The following NAALADL2 variants were observed in gnomAD, a reference collection of about 807,000 sequenced individuals.
NAALADL2 encodes the protein N-acetylated alpha-linked acidic dipeptidase like 2.
A neutral mutation model predicts 87.2 loss-of-function variants in NAALADL2; 76 were observed. That is an observed-to-expected ratio of 0.87 (90% confidence interval 0.72 to 1.05). The LOEUF (loss-of-function observed/expected upper bound fraction) is 1.05. NAALADL2 is among the 50% of genes least tolerant of loss of function. NAALADL2 has a pLI of 0.00. For missense variants in NAALADL2, 1,089 were observed against 945.8 expected, an observed-to-expected ratio of 1.15 and a Z score of -1.99; for synonymous variants, 354 against 331.0, an observed-to-expected ratio of 1.07 and a Z score of -0.75.
chr3:175,338,374 G>A (rs114711335), intron 5 of NAALADL2, among the ~76,000 whole-genome samples: 2,054 of 151,846 alleles, frequency 0.014, 42 homozygotes, highest in African/African-American at 0.048. Flanking sequence ...TGAAGACAAT[G>A]GGTCTATATT....
chr3:174,692,444 C>T (rs927411472), intron 2 of NAALADL2, among the ~76,000 whole-genome samples: 3 of 152,144 alleles, frequency 2.0e-5, no homozygotes, highest in African/African-American at 7.2e-5. Context: ...TAAATATTTC[C>T]ATTTTATTAT....
chr3:175,735,137 A>G lies in NAALADL2; in HGVS notation c.1897-2169A>G, dbSNP rs187074096. Among the ~76,000 whole-genome samples, 306 of 152,276 alleles carry G rather than the reference A, an allele frequency of 2.0e-3. 2 individuals carry two copies. The highest frequency in any genetic ancestry group is 0.017 in the Middle Eastern group (5 of 294). The stretch of plus-strand genomic sequence containing the variant: ...CTCTCTCAAGTTCAAAGTTCGACAA[A>G]TCTCTAGGATGGGCAAAATGCCACC... On this transcript the variant is annotated intron_variant, in intron 11 of 13. Coordinates refer to ENST00000454872, the MANE Select transcript of NAALADL2 (RefSeq NM_207015.3).
chr3:174,698,826 T>C (rs1315815420), intron 2 of NAALADL2, among the ~76,000 whole-genome samples: 1 of 133,552 alleles, frequency 7.5e-6, no homozygotes, highest in African/African-American at 3.3e-5. Context: ...ATCCCGCCAC[T>C]GCACTCCAGC....
rs113003209 is a variant in NAALADL2 at position 174,479,185 on chromosome 3, A to G, written c.-184+38153A>G. Among the ~76,000 whole-genome samples, 814 of 152,264 alleles carry G rather than the reference A, an allele frequency of 5.3e-3. 7 individuals carry two copies. Among genetic ancestry groups the G allele is most frequent in the East Asian group, 0.041 (212 of 5,174 alleles). ...AATGCTCATACATGTGGGGTGATAG[A>G]AGTATTGAGATAGTACAAAGTTGAC... On this transcript the variant is annotated intron_variant, in intron 1 of 3. Coordinates refer to the NAALADL2 transcript ENST00000434257.
At chr3:174,762,229 A>G (rs13087029) in intron 3 of NAALADL2, among the ~76,000 whole-genome samples, 4 of 147,078 alleles carry the variant, frequency 2.7e-5, no homozygotes, top group East Asian at 2.0e-4. Context: ...GCGCCATCTC[A>G]GCTCACTGCA....
chr3:175,292,159 C>A (rs1290114532), intron 4 of NAALADL2, among the ~76,000 whole-genome samples: 5 of 152,090 alleles, frequency 3.3e-5, no homozygotes, highest in Admixed American at 1.3e-4. Context: ...GTAAATGCAC[C>A]AGGCATCAGT....
intron 11 of NAALADL2, among the ~76,000 whole-genome samples, chr3:175,644,611 G>A (rs953850601): frequency 6.6e-6 from 1 of 152,088 alleles, no homozygotes; most frequent in African/African-American, 2.4e-5. Context: ...TTTCTCATCT[G>A]TGTATGAACA....
intron 4 of NAALADL2, among the ~76,000 whole-genome samples, chr3:175,287,842 C>T (rs1313441675): frequency 2.6e-5 from 4 of 152,108 alleles, no homozygotes; most frequent in African/African-American, 9.7e-5. Context: ...TTGAATCACC[C>T]TTTCTACATC....
At chr3:175,191,415 T>C (rs1265565382) in intron 2 of NAALADL2, among the ~76,000 whole-genome samples, 2 of 152,144 alleles carry the variant, frequency 1.3e-5, no homozygotes, top group Non-Finnish European at 2.9e-5. Flanking sequence ...TCAATATTTG[T>C]ATAAAGGGTA....
At chr3:174,906,068 T>TATA (rs1308924440) in intron 1 of NAALADL2, among the ~76,000 whole-genome samples, 2 of 152,092 alleles carry the variant, frequency 1.3e-5, no homozygotes, top group Non-Finnish European at 2.9e-5. Flanking sequence ...AATACTACAA[T>TATA]ATAACCATGA....
At chr3:175,130,542 A>T (rs1272565184) in intron 2 of NAALADL2, among the ~76,000 whole-genome samples, 5 of 152,196 alleles carry the variant, frequency 3.3e-5, no homozygotes, top group Admixed American at 3.3e-4. Flanking sequence ...CAAGGGTCCA[A>T]TGTCAATTCT....
intron 1 of NAALADL2, among the ~76,000 whole-genome samples, chr3:174,509,768 G>A (rs544876554): frequency 6.6e-6 from 1 of 150,926 alleles, no homozygotes; most frequent in East Asian, 2.0e-4. Context: ...ATCAGATCAG[G>A]GCTCCACCCT....
At chr3:175,199,316 T>C (rs1487984306) in intron 2 of NAALADL2, among the ~76,000 whole-genome samples, 1 of 152,164 alleles carries the variant, frequency 6.6e-6, no homozygotes, top group East Asian at 1.9e-4. Flanking sequence ...AAGCAGGTTA[T>C]ATTCACAGTA....
chr3:175,160,427 T>C (rs1350504625), intron 2 of NAALADL2, among the ~76,000 whole-genome samples: 1 of 111,432 alleles, frequency 9.0e-6, no homozygotes, highest in Non-Finnish European at 1.7e-5. Flanking sequence ...GCTGGAGTGC[T>C]CCGCAACCTC....
At chr3:175,487,159 C>G (rs1000754167) in intron 9 of NAALADL2, among the ~76,000 whole-genome samples, 6 of 152,176 alleles carry the variant, frequency 3.9e-5, no homozygotes, top group Non-Finnish European at 8.8e-5. Flanking sequence ...CTACTCTCCC[C>G]TTTGCTCACT....
intron 11 of NAALADL2, among the ~76,000 whole-genome samples, chr3:175,735,910 G>A (rs1466750855): frequency 1.3e-5 from 2 of 152,148 alleles, no homozygotes; most frequent in African/African-American, 4.8e-5. Context: ...TCAAGTTAGT[G>A]TGCTAATTTC....
Position 175,374,918 on chromosome 3 carries a change from A to C in NAALADL2, c.1090+50593A>C, listed in dbSNP as rs1011816119. On this transcript the variant is annotated intron_variant, in intron 5 of 13. Transcript: ENST00000454872. Reference sequence around the variant, plus strand: ...TAAATAAATAAATAAATAAATAAATAAGTCAAGTTGTGTAGTTTTACCTTT... The same window carrying C: ...TAAATAAATAAATAAATAAATAAATCAGTCAAGTTGTGTAGTTTTACCTTT... 3.3e-5 allele frequency among the ~76,000 whole-genome samples: 5 copies of C among 150,016 alleles called. 1 individual carries two copies. In the East Asian group the frequency reaches 7.8e-4, roughly 23 times the overall value.
chr3:175,141,562 A>G (rs1162899141), intron 2 of NAALADL2, among the ~76,000 whole-genome samples: 7 of 152,058 alleles, frequency 4.6e-5, no homozygotes, highest in Non-Finnish European at 1.0e-4. Context: ...AACTTTGCTA[A>G]AAAGTTGTAA....
At chr3:175,584,770 A>G (rs1720297406) in intron 10 of NAALADL2, among the ~76,000 whole-genome samples, 3 of 152,246 alleles carry the variant, frequency 2.0e-5, no homozygotes, top group Admixed American at 2.0e-4. Context: ...AAAGTGCAGT[A>G]AAGTACAATA....
Sources: allele counts gnomAD v4.1 joint callset (sites outside exome capture counted in the v4.1 genomes callset), GRCh38; gene constraint gnomAD v4.1.1; transcripts MANE v1.5; gene names NCBI Gene and HGNC (gene_info 2026-07-23, HGNC 2026-07-21).